The following RPTOR variants were observed in gnomAD, a reference collection of about 807,000 sequenced individuals.
The protein encoded by RPTOR is regulatory associated protein of MTOR complex 1.
RPTOR carries 21 observed loss-of-function variants against 169.9 expected under a neutral mutation model. The ratio of observed to expected loss-of-function variants is 0.12; its 90% CI spans 0.09 to 0.18. The LOEUF is 0.18. Ranked by LOEUF, RPTOR falls within the 10% of genes least tolerant of loss-of-function variation. RPTOR has a pLI of 1.00. For missense variants in RPTOR, 1,133 were observed against 1,855.9 expected (o/e 0.61, Z 7.16); for synonymous variants, 732 against 753.2 (o/e 0.97, Z 0.46).
intron 9 of RPTOR, among the ~76,000 whole-genome samples, chr17:80,828,160 C>T (rs1457369134): frequency 6.6e-6 from 1 of 152,170 alleles, no homozygotes; most frequent in Non-Finnish European, 1.5e-5. Context: ...ATCACAGCAT[C>T]GTTGTCAGCG....
At chr17:80,650,763 T>C (rs2065633309) in intron 3 of RPTOR, among the ~76,000 whole-genome samples, 1 of 152,166 alleles carries the variant, frequency 6.6e-6, no homozygotes, top group Non-Finnish European at 1.5e-5. Flanking sequence ...GTTGAGGTGG[T>C]GGAGGCCCCT....
At chr17:80,837,238 G>A (rs1041728838) in intron 9 of RPTOR, among the ~76,000 whole-genome samples, 3 of 152,264 alleles carry the variant, frequency 2.0e-5, no homozygotes, top group South Asian at 2.1e-4. Flanking sequence ...TGGCTTGGGG[G>A]GAGCAGCTCT....
chr17:80,645,530 A>T (rs1212842285), intron 3 of RPTOR, among the ~76,000 whole-genome samples: 1 of 152,200 alleles, frequency 6.6e-6, no homozygotes, highest in African/African-American at 2.4e-5. Context: ...AAGATATTGT[A>T]TGTGTATTCC....
At chr17:80,742,722 A>G (rs527836428) in intron 5 of RPTOR, among the ~76,000 whole-genome samples, 2 of 152,122 alleles carry the variant, frequency 1.3e-5, no homozygotes, top group South Asian at 2.1e-4. Context: ...ACACCCACAC[A>G]CATACACATG....
intron 13 of RPTOR, among the ~76,000 whole-genome samples, chr17:80,863,797 G>T (rs1004596180): frequency 2.0e-5 from 3 of 152,194 alleles, no homozygotes; most frequent in African/African-American, 7.2e-5. Context: ...GCGCGTGCCT[G>T]TAGTCCCAGC....
chr17:80,693,207 T>C (rs1168663111), intron 3 of RPTOR, among the ~76,000 whole-genome samples: 1 of 152,230 alleles, frequency 6.6e-6, no homozygotes, highest in African/African-American at 2.4e-5. Flanking sequence ...TCATGTGCTG[T>C]GCGGACAGTC....
At chr17:80,606,104 C>T (rs974783713) in intron 1 of RPTOR, among the ~76,000 whole-genome samples, 15 of 152,162 alleles carry the variant, frequency 9.9e-5, no homozygotes, top group African/African-American at 3.1e-4. Flanking sequence ...TTCCGCCTCC[C>T]GGGTTCACGC....
chr17:80,946,959 A>G lies in RPTOR; in HGVS notation c.3141-268A>G, dbSNP rs193178048. On this transcript the variant is annotated intron_variant, in intron 26 of 33. Coordinates refer to ENST00000306801, the MANE Select transcript of RPTOR (RefSeq NM_020761.3). ...ACAGCCTGTGGCTCCAATTTCCCACATCCTTGCCAGCACTATTATTCTCTC... is the reference window on the plus strand; with the variant it reads ...ACAGCCTGTGGCTCCAATTTCCCACGTCCTTGCCAGCACTATTATTCTCTC... Among the ~76,000 whole-genome samples the G allele has an allele frequency of 1.5e-3, 231 of 152,306 alleles. 2 individuals are homozygous for G. The South Asian group carries it at 0.036, about 23-fold the overall frequency.
At chr17:80,911,504 G>A (rs2068612478) in intron 21 of RPTOR, among the ~76,000 whole-genome samples, 2 of 152,212 alleles carry the variant, frequency 1.3e-5, no homozygotes, top group Admixed American at 1.3e-4. Context: ...ACCTCAGGCT[G>A]GGTGTGGTGG....
At chr17:80,916,018 GCTC>G (rs1262320359) in intron 21 of RPTOR, among the ~76,000 whole-genome samples, 2 of 152,148 alleles carry the variant, frequency 1.3e-5, no homozygotes, top group Non-Finnish European at 2.9e-5. Flanking sequence ...GCTCAGTAAA[GCTC>G]CTCTTCAGCT....
intron 3 of RPTOR, among the ~76,000 whole-genome samples, chr17:80,689,335 C>T (rs796267806): frequency 1.2e-4 from 19 of 152,340 alleles, no homozygotes; most frequent in African/African-American, 4.6e-4. Context: ...CATGCACTCC[C>T]CCGTGGGAAG....
chr17:80,836,528 G>A (rs115475860), intron 9 of RPTOR, among the ~76,000 whole-genome samples: 2,697 of 152,300 alleles, frequency 0.018, 76 homozygotes, highest in African/African-American at 0.062. Context: ...TTGTAGAGCA[G>A]CTGACACAAA....
At chr17:80,566,907 GTTAGT>G (rs981568421) in intron 1 of RPTOR, among the ~76,000 whole-genome samples, 22 of 148,792 alleles carry the variant, frequency 1.5e-4, no homozygotes, top group African/African-American at 5.0e-4. Context: ...TTATTTTAGT[GTTAGT>G]TTAAACAGCA....
At chr17:80,808,081 G>A (rs2067237223) in intron 7 of RPTOR, among the ~76,000 whole-genome samples, 1 of 152,014 alleles carries the variant, frequency 6.6e-6, no homozygotes, top group Non-Finnish European at 1.5e-5. Flanking sequence ...GATCACTTGA[G>A]GCCAGGAGTT....
intron 3 of RPTOR, among the ~76,000 whole-genome samples, chr17:80,705,427 A>C (rs982306831): frequency 1.3e-5 from 2 of 152,162 alleles, no homozygotes; most frequent in Non-Finnish European, 2.9e-5. Flanking sequence ...CAGGTACAAA[A>C]ATTTGGGGGA....
At chr17:80,649,246 G>A (rs777608293) in intron 3 of RPTOR, among the ~76,000 whole-genome samples, 7 of 152,160 alleles carry the variant, frequency 4.6e-5, no homozygotes, top group African/African-American at 9.7e-5. Context: ...ACCGTTACTC[G>A]CTGTGACTCC....
At chr17:80,877,749 G>A (rs2068138065) in intron 13 of RPTOR, among the ~76,000 whole-genome samples, 1 of 152,174 alleles carries the variant, frequency 6.6e-6, no homozygotes, top group Non-Finnish European at 1.5e-5. Flanking sequence ...AAAACCTTCA[G>A]CTAAAGCCAG....
intron 13 of RPTOR, among the ~76,000 whole-genome samples, chr17:80,870,378 G>A (rs1021982942): frequency 8.5e-5 from 13 of 152,308 alleles, no homozygotes; most frequent in African/African-American, 2.4e-4. Flanking sequence ...CAGCCCCCAC[G>A]TCTGTGCTGG....
chr17:80,962,796 A>C, intron 32 of RPTOR, 132 bp from the exon 33 acceptor site: 1 of 1,459,642 alleles, frequency 6.9e-7, no homozygotes, highest in South Asian at 1.3e-5. Flanking sequence ...GAGTGACCAG[A>C]GGGTCACACC....
Sources: allele counts gnomAD v4.1 joint callset (sites outside exome capture counted in the v4.1 genomes callset), GRCh38; gene constraint gnomAD v4.1.1; transcripts MANE v1.5; gene names NCBI Gene and HGNC (gene_info 2026-07-23, HGNC 2026-07-21).